Variants in MRC1 observed in about 807,000 individuals in gnomAD.
MRC1 encodes mannose receptor C-type 1, also known as macrophage mannose receptor 1.
MRC1 carries 62 observed loss-of-function variants against 102.9 expected under a neutral mutation model. That is an observed-to-expected ratio of 0.60 (90% confidence interval 0.49 to 0.74). MRC1 has a LOEUF of 0.74. Ranked by LOEUF, MRC1 falls within the 30% of genes least tolerant of loss-of-function variation. The probability of loss-of-function intolerance (pLI) is 0.00; values close to 1 mark genes in which losing one functional copy is unlikely to be tolerated. For missense variants in MRC1, 1,237 were observed against 862.8 expected (o/e 1.43, Z -5.43); for synonymous variants, 457 against 298.4 (o/e 1.53, Z -5.48).
At chr10:17,882,413 A>G (rs1194870988) in intron 21 of MRC1, among the ~76,000 whole-genome samples, 1 of 152,150 alleles carries the variant, frequency 6.6e-6, no homozygotes, top group Non-Finnish European at 1.5e-5. Context: ...GCTGGTATGT[A>G]GTATAGAAGA....
intron 27 of MRC1, among the ~76,000 whole-genome samples, 194 bp from the exon 28 acceptor site, chr10:17,907,340 G>A (rs976758782): frequency 6.6e-6 from 1 of 152,140 alleles, no homozygotes; most frequent in African/African-American, 2.4e-5. Context: ...AAAGCTATAC[G>A]GTAAACCTAT....
rs1489872623 is a variant in MRC1 at position 17,901,984 on chromosome 10, A to C, written c.3661A>C (p.Thr1221Pro). The change falls in exon 26 of 30, where the codon ACT becomes CCT. Residue 1221 changes from threonine to proline, a missense_variant. By Grantham distance (38) the Thr-to-Pro change is conservative (BLOSUM62 -1). Coordinates refer to ENST00000569591, the MANE Select transcript of MRC1 (RefSeq NM_002438.4). ...LCKRSDEIPA[T>P]EPPQLPGRCP... Reference sequence around the variant, plus strand: ...GTTTTTATTAACAGAAATCCCTGCTACTGAACCCCCACAACTGCCTGGCAG... The same window carrying C: ...GTTTTTATTAACAGAAATCCCTGCTCCTGAACCCCCACAACTGCCTGGCAG... 7 of 780,788 alleles carry C rather than the reference A, an allele frequency of 9.0e-6. No individual in the cohort carries two copies. In the East Asian group the frequency reaches 1.7e-4, roughly 19 times the overall value. The allele number at this position is 780,788 out of a possible 1,614,324, so 48.4% of individuals were successfully genotyped here. A position where few individuals can be genotyped will look rare whatever the true frequency, so the allele number is the denominator to read the frequency against.
rs556262080 is a variant in MRC1, at chr10:17,819,122, T to G, written c.62-3952T>G. ...TAAAGGTAGATGAGAAAGAAAAGAA[T>G]TTTACTATTGAGTGAACATTCAACC... On this transcript the variant is annotated intron_variant, in intron 1 of 29. Transcript: ENST00000569591. Among the ~76,000 whole-genome samples the G allele has an allele frequency of 2.6e-5, 4 of 152,084 alleles. No homozygotes were observed. The East Asian group carries it at 7.7e-4, about 29-fold the overall frequency.
At chr10:17,825,298 G>C (rs908049534) in intron 2 of MRC1, among the ~76,000 whole-genome samples, 1 of 152,276 alleles carries the variant, frequency 6.6e-6, no homozygotes, top group South Asian at 2.1e-4. Context: ...TGTAGACTTA[G>C]ATGGATTTGA....
Position 17,867,319 on chromosome 10 carries a change from C to G in MRC1, c.1983+558C>G, listed in dbSNP as rs1215523441. 3.7e-5 allele frequency among the ~76,000 whole-genome samples: 5 copies of G among 135,878 alleles called. No individual in the cohort carries two copies. In the South Asian group the frequency reaches 1.2e-3, roughly 34 times the overall value. 89.1% of individuals were successfully genotyped at this position (135,878 alleles called of 152,430 possible). A position where few individuals can be genotyped will look rare whatever the true frequency, so the allele number is the denominator to read the frequency against. On this transcript the variant is annotated intron_variant, in intron 12 of 29. Transcript: ENST00000569591. ...CGTTCCTTCTTCCTTCTTCCTCCTT[C>G]CTTCTTCTTCTTCTTCCTCCTCCTC...
chr10:17,853,572 A>ATGTGTGTG (rs782100594), intron 8 of MRC1, among the ~76,000 whole-genome samples: 16 of 146,730 alleles, frequency 1.1e-4, no homozygotes, highest in East Asian at 4.1e-4. Flanking sequence ...ATATATATGT[A>ATGTGTGTG]TGTGTGTGTG....
At chr10:17,896,008 G>A (rs1245846283) in intron 23 of MRC1, among the ~76,000 whole-genome samples, 4 of 152,208 alleles carry the variant, frequency 2.6e-5, no homozygotes, top group African/African-American at 4.8e-5. Flanking sequence ...GCAGTGGTGG[G>A]TGTGCCTTAT....
At chr10:17,872,833 A>G (rs2130679036) in intron 15 of MRC1, among the ~76,000 whole-genome samples, 1 of 152,342 alleles carries the variant, frequency 6.6e-6, no homozygotes, top group Non-Finnish European at 1.5e-5. Context: ...CCTACCCTTG[A>G]ACCAAAATAT....
intron 2 of MRC1, among the ~76,000 whole-genome samples, chr10:17,824,243 A>C (rs1838440682): frequency 6.6e-6 from 1 of 152,198 alleles, no homozygotes; most frequent in South Asian, 2.1e-4. Context: ...ACACAACTTG[A>C]AGGCTTGTTA....
At chr10:17,875,381 G>A in intron 17 of MRC1, 128 bp downstream of exon 17, 3 of 700,058 alleles carry the variant, frequency 4.3e-6, no homozygotes, top group Non-Finnish European at 7.8e-6. Context: ...AGCAGTATAC[G>A]CTGTACTGAA....
chr10:17,870,975 C>T (rs1833347310), intron 14 of MRC1, 40 bp downstream of exon 14: 2 of 854,782 alleles, frequency 2.3e-6, no homozygotes, highest in South Asian at 1.4e-5. Context: ...CTTACTTTAT[C>T]GTGTATTTAT....
rs1167885699 is a variant in MRC1, at chr10:17,907,544, G to A, written c.3924G>A (p.Leu1308=). 5 of 780,882 alleles carry A rather than the reference G, an allele frequency of 6.4e-6. No homozygotes were observed. The highest frequency in any genetic ancestry group is 7.2e-6 in the Non-Finnish European group (3 of 417,958). The allele number at this position is 780,882 out of a possible 1,614,324, so 48.4% of individuals were successfully genotyped here. The change falls in exon 28 of 30, where the codon CTG becomes CTA. Residue 1308 remains leucine (L), a synonymous_variant. Transcript: ENST00000569591. ...GLFRNVEGTW[L]WINNSPVSFV... is the part of the protein sequence containing the mutation. Reference sequence around the variant, plus strand: ...TTATCTGATGACCAGGGACGTGGCTGTGGATAAATAACAGTCCGGTCTCCT... The same window carrying A: ...TTATCTGATGACCAGGGACGTGGCTATGGATAAATAACAGTCCGGTCTCCT...
intron 19 of MRC1, among the ~76,000 whole-genome samples, chr10:17,880,316 G>A (rs1400634607): frequency 6.6e-6 from 1 of 152,058 alleles, no homozygotes; most frequent in Non-Finnish European, 1.5e-5. Flanking sequence ...TTGGTTCATA[G>A]GATGCTCTCT....
chr10:17,814,528 T>A (rs1213187336), intron 1 of MRC1, among the ~76,000 whole-genome samples: 2 of 152,234 alleles, frequency 1.3e-5, no homozygotes, highest in Admixed American at 6.5e-5. Flanking sequence ...GAGGCTAGAA[T>A]GGCTAATAGC....
intron 4 of MRC1, among the ~76,000 whole-genome samples, chr10:17,840,045 G>T (rs1015491495): frequency 8.2e-6 from 1 of 121,876 alleles, no homozygotes; most frequent in South Asian, 2.7e-4. Context: ...CAGCCTGGGC[G>T]ACAGTGCAAG....
chr10:17,902,168 T>A, intron 26 of MRC1, 46 bp downstream of exon 26: 1 of 754,500 alleles, frequency 1.3e-6, no homozygotes, highest in Non-Finnish European at 2.5e-6. Flanking sequence ...TCATCTATTC[T>A]GGGGTCCACT....
intron 22 of MRC1, among the ~76,000 whole-genome samples, chr10:17,892,628 G>A (rs1833695371): frequency 6.6e-6 from 1 of 152,236 alleles, no homozygotes; most frequent in East Asian, 1.9e-4. Flanking sequence ...TTTTCTTTAA[G>A]TGTGCTCCTT....
In MRC1 at chr10:17,821,820, T is replaced by A. The variant is rs533803575; in HGVS notation, c.62-1254T>A. Reference sequence around the variant, plus strand: ...GTTTGATTTCGCTGGAATTATTTAATTAAAAATAATGAGCTCATTTAGTCA... The same window carrying A: ...GTTTGATTTCGCTGGAATTATTTAAATAAAAATAATGAGCTCATTTAGTCA... On this transcript the variant is annotated intron_variant, in intron 1 of 29. Coordinates refer to ENST00000569591, the MANE Select transcript of MRC1 (RefSeq NM_002438.4). Among the ~76,000 whole-genome samples the A allele has an allele frequency of 2.0e-5, 3 of 152,300 alleles. No individual in the cohort carries two copies. The East Asian group carries it at 5.8e-4, about 29-fold the overall frequency.
intron 1 of MRC1, among the ~76,000 whole-genome samples, chr10:17,816,231 A>C (rs1451023338): frequency 6.6e-6 from 1 of 152,210 alleles, no homozygotes; most frequent in Non-Finnish European, 1.5e-5. Context: ...ACATTTATTT[A>C]ACTGAGGCTG....
Sources: gnomAD v4.1 joint callset for allele counts (sites outside exome capture counted in the v4.1 genomes callset) on GRCh38, gnomAD v4.1.1 for gene constraint, MANE v1.5 for transcripts, NCBI Gene and HGNC (gene_info 2026-07-23, HGNC 2026-07-21) for gene names.